The following PCDH9 variants were observed in gnomAD, a reference collection of about 807,000 sequenced individuals.
PCDH9 encodes the protein protocadherin-9.
In PCDH9, 24 loss-of-function variants were observed where a neutral mutation model predicts 70.6. That is an observed-to-expected ratio of 0.34 (90% CI 0.25 to 0.48). PCDH9 has a LOEUF of 0.48. Among genes scored for constraint, PCDH9 ranks in the 20% least tolerant of loss-of-function variants. PCDH9 has a pLI of 0.99. For synonymous variants in PCDH9, 562 were observed against 558.5 expected, an observed-to-expected ratio of 1.01 and a Z score of -0.09; for missense variants, 1,281 against 1,503.6, an observed-to-expected ratio of 0.85 and a Z score of 2.45.
At chr13:66,580,484 C>T (rs1477110999) in intron 4 of PCDH9, among the ~76,000 whole-genome samples, 1 of 151,816 alleles carries the variant, frequency 6.6e-6, no homozygotes, top group Non-Finnish European at 1.5e-5. Flanking sequence ...AATGAAGTGC[C>T]TAATATTGTC....
chr13:67,167,208 G>A (rs1164405134), intron 2 of PCDH9, among the ~76,000 whole-genome samples: 2 of 152,126 alleles, frequency 1.3e-5, no homozygotes, highest in African/African-American at 2.4e-5. Flanking sequence ...GTGGTTAAGA[G>A]CAGACAGAAT....
intron 4 of PCDH9, among the ~76,000 whole-genome samples, chr13:66,446,582 T>A (rs1427582600): frequency 6.6e-6 from 1 of 152,092 alleles, no homozygotes; most frequent in Non-Finnish European, 1.5e-5. Context: ...TTCTCTGTGC[T>A]GTGGATTAAA....
intron 2 of PCDH9, among the ~76,000 whole-genome samples, chr13:66,966,340 T>A (rs772934071): frequency 6.6e-6 from 1 of 152,048 alleles, no homozygotes; most frequent in Non-Finnish European, 1.5e-5. Context: ...CCAATCTGAA[T>A]AAGAAACAAG....
intron 3 of PCDH9, among the ~76,000 whole-genome samples, chr13:66,847,158 A>T (rs2081225977): frequency 6.6e-6 from 1 of 152,200 alleles, no homozygotes; most frequent in African/African-American, 2.4e-5. Context: ...CACCAAAAAG[A>T]TTGATTTAAA....
intron 2 of PCDH9, among the ~76,000 whole-genome samples, chr13:67,152,193 C>T (rs936280130): frequency 6.6e-6 from 1 of 152,132 alleles, no homozygotes; most frequent in African/African-American, 2.4e-5. Flanking sequence ...CAGAAGAAAC[C>T]TGTATGTTTT....
At chr13:67,018,804 G>A (rs1034132598) in intron 2 of PCDH9, among the ~76,000 whole-genome samples, 8 of 151,958 alleles carry the variant, frequency 5.3e-5, no homozygotes, top group African/African-American at 1.5e-4. Flanking sequence ...ATGCATCCTC[G>A]CATACTGACG....
chr13:66,519,259 A>C (rs188754279), intron 4 of PCDH9, among the ~76,000 whole-genome samples: 31 of 152,130 alleles, frequency 2.0e-4, no homozygotes, highest in African/African-American at 1.2e-4. Flanking sequence ...TTTAAAAAAA[A>C]CCAGATACCT....
At chr13:66,659,455 A>G (rs10162270) in intron 3 of PCDH9, among the ~76,000 whole-genome samples, 86,325 of 151,772 alleles carry the variant, frequency 0.57, 24,876 homozygotes, top group African/African-American at 0.65. Flanking sequence ...AATGACTTAC[A>G]GAAAAACAAC....
chr13:66,879,595 G>T (rs1189387031), intron 3 of PCDH9, among the ~76,000 whole-genome samples: 3 of 152,124 alleles, frequency 2.0e-5, no homozygotes, highest in Admixed American at 2.0e-4. Context: ...AGCAATTTAG[G>T]ATTAATTATG....
intron 2 of PCDH9, among the ~76,000 whole-genome samples, chr13:67,038,046 C>T (rs751325964): frequency 1.4e-4 from 22 of 151,794 alleles, no homozygotes; most frequent in Non-Finnish European, 2.4e-4. Context: ...AGATGAGGGG[C>T]GTGAAGGGAG....
At chr13:67,020,847 T>C (rs1023318712) in intron 2 of PCDH9, among the ~76,000 whole-genome samples, 3 of 152,208 alleles carry the variant, frequency 2.0e-5, no homozygotes, top group Non-Finnish European at 4.4e-5. Context: ...TATGGGATTA[T>C]GGTATATTTT....
At chr13:66,602,504 AC>A (rs1406903671) in intron 4 of PCDH9, among the ~76,000 whole-genome samples, 2 of 145,832 alleles carry the variant, frequency 1.4e-5, no homozygotes, top group African/African-American at 4.9e-5. Context: ...TTAAAAAAAA[AC>A]AACAACAGAA....
chr13:66,756,266 A>G (rs1159012306), intron 3 of PCDH9, among the ~76,000 whole-genome samples: 1 of 152,228 alleles, frequency 6.6e-6, no homozygotes, highest in Non-Finnish European at 1.5e-5. Flanking sequence ...AAATTCCAGC[A>G]TATCAGTACA....
intron 2 of PCDH9, chr13:67,212,400 A>G (rs1050133644): frequency 6.6e-6 from 1 of 152,136 alleles, no homozygotes; most frequent in African/African-American, 2.4e-5. Context: ...TACTGTGCTT[A>G]AAATTTAATG....
intron 3 of PCDH9, among the ~76,000 whole-genome samples, chr13:66,718,175 A>T (rs1342521825): frequency 6.6e-6 from 1 of 152,196 alleles, no homozygotes; most frequent in African/African-American, 2.4e-5. Flanking sequence ...TGGGGTTCAC[A>T]CACTTAGCAG....
At chr13:66,544,356 T>C (rs17081497) in intron 4 of PCDH9, among the ~76,000 whole-genome samples, 1 of 152,154 alleles carries the variant, frequency 6.6e-6, no homozygotes, top group Non-Finnish European at 1.5e-5. Context: ...CCAAACATAC[T>C]CAATTAACTT....
chr13:66,338,770 T>G (rs1956078555), intron 4 of PCDH9, among the ~76,000 whole-genome samples: 1 of 152,020 alleles, frequency 6.6e-6, no homozygotes, highest in African/African-American at 2.4e-5. Context: ...AATTCTAATT[T>G]AATTCTAGAA....
chr13:66,403,884 A>G (rs547738106), intron 4 of PCDH9, among the ~76,000 whole-genome samples: 5 of 152,274 alleles, frequency 3.3e-5, no homozygotes, highest in South Asian at 4.1e-4. Context: ...CTACAGTAAT[A>G]AGAGGAAAAA....
At chr13:66,695,297 A>C (rs2078546478) in intron 3 of PCDH9, among the ~76,000 whole-genome samples, 1 of 152,230 alleles carries the variant, frequency 6.6e-6, no homozygotes. Context: ...CTGAGAATTA[A>C]GGCCTGTGAC....
Sources: gnomAD v4.1 joint callset for allele counts (sites outside exome capture counted in the v4.1 genomes callset) on GRCh38, gnomAD v4.1.1 for gene constraint, MANE v1.5 for transcripts, NCBI Gene and HGNC (gene_info 2026-07-23, HGNC 2026-07-21) for gene names.